RAG1: variants seen among roughly 807,000 people sequenced by gnomAD.
RAG1 encodes V(D)J recombination-activating protein 1.
In RAG1, 35 loss-of-function variants were observed where a neutral mutation model predicts 62.7. The observed-to-expected ratio is 0.56, with a 90% CI of 0.43 to 0.74. The LOEUF (loss-of-function observed/expected upper bound fraction) is 0.74. RAG1 is among the 30% of genes least tolerant of loss of function. RAG1 has a pLI of 0.00. For synonymous variants in RAG1, 461 were observed against 470.3 expected, an observed-to-expected ratio of 0.98 and a Z score of 0.26; for missense variants, 1,169 against 1,278.6, an observed-to-expected ratio of 0.91 and a Z score of 1.31.
At chr11:36,571,331 A>G (rs964285479) in intron 1 of RAG1, among the ~76,000 whole-genome samples, 2 of 152,194 alleles carry the variant, frequency 1.3e-5, no homozygotes, top group African/African-American at 4.8e-5. Flanking sequence ...GTAAAATGCT[A>G]AAGGAATGAG....
chr11:36,546,391 A>T (rs1475189524), intron 3 of RAG1, among the ~76,000 whole-genome samples: 1 of 152,154 alleles, frequency 6.6e-6, no homozygotes, highest in African/African-American at 2.4e-5. Flanking sequence ...AGAGACTAGG[A>T]TTGCAACCCC....
chr11:36,515,996 T>C (rs1045507782), intron 1 of RAG1, among the ~76,000 whole-genome samples: 2 of 152,178 alleles, frequency 1.3e-5, no homozygotes, highest in African/African-American at 4.8e-5. Flanking sequence ...TTTTTCCTGC[T>C]CTTGGATAAA....
rs963615051 is a variant in RAG1 at position 36,574,669 on chromosome 11, G to A, written c.1365G>A (p.Glu455=). The part of the protein sequence containing the change: ...RNEHRQADEL[E]AIMQGKGSGL... ...AGCACAGGCAAGCTGATGAGCTGGAGGCCATCATGCAGGGAAAGGGCTCTG... is the reference window on the plus strand; with the variant it reads ...AGCACAGGCAAGCTGATGAGCTGGAAGCCATCATGCAGGGAAAGGGCTCTG... Residue 455 remains glutamate (E), a synonymous_variant, in exon 2 of 2, where the codon GAG becomes GAA. Transcript: ENST00000299440. 6.2e-7 allele frequency: 1 copy of A among 1,614,204 alleles called. No individual in the cohort carries two copies. Among genetic ancestry groups the A allele is most frequent in the Non-Finnish European group, 8.5e-7 (1 of 1,180,040 alleles).
intron 3 of RAG1, among the ~76,000 whole-genome samples, chr11:36,558,068 T>A (rs1490141926): frequency 6.6e-6 from 1 of 152,236 alleles, no homozygotes; most frequent in Non-Finnish European, 1.5e-5. Context: ...AATAACATTT[T>A]AAATTTTTAG....
At position 36,573,622 on chromosome 11, in the gene RAG1, C is replaced by T. The variant is rs367725290; in HGVS notation, c.318C>T (p.Asn106=). Reference sequence around the variant, plus strand: ...GAGGCAAAGCGATCCATCAAGCCAACCTTCGACATCTCTGCCGCATCTGTG... The same window carrying T: ...GAGGCAAAGCGATCCATCAAGCCAATCTTCGACATCTCTGCCGCATCTGTG... ...KARGKAIHQA[N]LRHLCRICGN... is the part of the protein sequence containing the mutation. Residue 106 remains asparagine (N), a synonymous_variant, in exon 2 of 2, where the codon AAC becomes AAT. Coordinates refer to ENST00000299440, the MANE Select transcript of RAG1 (RefSeq NM_000448.3). The T allele has an allele frequency of 1.2e-6, 2 of 1,614,082 alleles. No individual in the cohort carries two copies. The highest frequency in any genetic ancestry group is 2.7e-5 in the African/African-American group (2 of 74,932).
At position 36,573,960 on chromosome 11, in the gene RAG1, G is replaced by C; in HGVS notation, c.656G>C (p.Arg219Pro). Residue 219 changes from arginine (R) to proline (P), a missense_variant, in exon 2 of 2, where the codon CGG (arginine) becomes CCG (proline). Coordinates refer to ENST00000299440, the MANE Select transcript of RAG1 (RefSeq NM_000448.3). ...TGTGACATCTGCAACACTGCCCGTC[G>C]GGGACTCAAGAGGAAGAGTCTTCAG... The part of the protein sequence containing the change: ...PSCDICNTAR[R>P]GLKRKSLQPN... 6.2e-7 allele frequency: 1 copy of C among 1,614,088 alleles called. No individual in the cohort carries two copies. Among genetic ancestry groups the C allele is most frequent in the South Asian group, 1.1e-5 (1 of 91,078 alleles).
At chr11:36,566,415 T>C (rs1850662962), upstream of RAG1, 1 of 152,154 alleles carries the variant, frequency 6.6e-6, no homozygotes, top group African/African-American at 2.4e-5. Context: ...TCTAATACTG[T>C]GGGATATTAT....
intron 2 of RAG1, among the ~76,000 whole-genome samples, chr11:36,527,701 T>C (rs1401616624): frequency 6.6e-6 from 1 of 152,194 alleles, no homozygotes; most frequent in Non-Finnish European, 1.5e-5. Context: ...TGATATTGAT[T>C]CTTCCTATCC....
At chr11:36,528,821 C>T (rs557996546) in intron 2 of RAG1, among the ~76,000 whole-genome samples, 10 of 152,010 alleles carry the variant, frequency 6.6e-5, no homozygotes, top group East Asian at 1.9e-4. Flanking sequence ...ATATCACCAC[C>T]GATCCCACAG....
chr11:36,569,360 G>A (rs571768208), intron 1 of RAG1, among the ~76,000 whole-genome samples: 3 of 152,218 alleles, frequency 2.0e-5, no homozygotes, highest in South Asian at 2.1e-4. Flanking sequence ...TTGAGATCCC[G>A]AGGCTGGTCT....
Position 36,542,252 on chromosome 11 carries a change from G to A in RAG1, c.-412+6218G>A, listed in dbSNP as rs558528067. 2.2e-4 allele frequency among the ~76,000 whole-genome samples: 34 copies of A among 152,198 alleles called. 1 individual carries two copies. In the South Asian group the frequency reaches 6.9e-3, roughly 31 times the overall value. ...GTCCTTCTTTATATGAATTAATTTA[G>A]CTGAACAAAGTGAGTCTCTTTAAAG... On this transcript the variant is annotated intron_variant and NMD_transcript_variant, in intron 3 of 9. Coordinates refer to the RAG1 transcript ENST00000534663.
At chr11:36,535,968 T>C (rs543249160) in exon 3 of RAG1, 17 of 152,328 alleles carry the variant, frequency 1.1e-4, no homozygotes, top group Non-Finnish European at 2.2e-4. Context: ...GGCATTCATC[T>C]CTTTCAGATC....
At chr11:36,536,346 T>A (rs1038177634), downstream of RAG1, among the ~76,000 whole-genome samples, 5 of 152,166 alleles carry the variant, frequency 3.3e-5, no homozygotes, top group African/African-American at 1.2e-4. Flanking sequence ...ATCTTAACCA[T>A]CATGTTGAAT....
At chr11:36,538,619 C>T (rs1266626582), downstream of RAG1, among the ~76,000 whole-genome samples, 1 of 152,134 alleles carries the variant, frequency 6.6e-6, no homozygotes, top group East Asian at 1.9e-4. Flanking sequence ...GCTGCAGTTA[C>T]GAAAAGGCAC....
intron 1 of RAG1, among the ~76,000 whole-genome samples, chr11:36,571,379 G>A (rs1014611500): frequency 1.3e-5 from 2 of 152,120 alleles, no homozygotes; most frequent in South Asian, 2.1e-4. Context: ...AGAGGCAGGG[G>A]AGCCACAGGG....
At chr11:36,538,667 C>T (rs1860368765), downstream of RAG1, among the ~76,000 whole-genome samples, 1 of 152,168 alleles carries the variant, frequency 6.6e-6, no homozygotes, top group African/African-American at 2.4e-5. Flanking sequence ...GAGTCTTTAA[C>T]CTTTTTTCCT....
At chr11:36,537,308 A>G (rs1448784441), downstream of RAG1, among the ~76,000 whole-genome samples, 1 of 152,186 alleles carries the variant, frequency 6.6e-6, no homozygotes, top group Non-Finnish European at 1.5e-5. Context: ...CACAAAAGCA[A>G]AACAAAACAA....
chr11:36,560,107 A>G (rs912053207), intron 3 of RAG1, among the ~76,000 whole-genome samples: 2 of 152,170 alleles, frequency 1.3e-5, no homozygotes, highest in African/African-American at 2.4e-5. Context: ...TGTAGTATCA[A>G]TGTGATTTCT....
Position 36,569,426 on chromosome 11 carries a change from G to A in RAG1, c.-15+1304G>A, listed in dbSNP as rs560634382. On this transcript the variant is annotated intron_variant, in intron 1 of 1. Coordinates refer to ENST00000299440, the MANE Select transcript of RAG1 (RefSeq NM_000448.3). ...GATCAAGCATTTGCAAGGTTTCTGA[G>A]TGTCAAAATATGAATCCAAGATAAC... 2.6e-5 allele frequency among the ~76,000 whole-genome samples: 4 copies of A among 152,324 alleles called. No homozygotes were observed. In the South Asian group the frequency reaches 8.3e-4, roughly 32 times the overall value.
Sources: allele counts gnomAD v4.1 joint callset (sites outside exome capture counted in the v4.1 genomes callset), GRCh38; gene constraint gnomAD v4.1.1; transcripts MANE v1.5; gene names NCBI Gene and HGNC (gene_info 2026-07-23, HGNC 2026-07-21).